Variants in CNTNAP2 observed in about 807,000 individuals in gnomAD.
CNTNAP2 encodes contactin-associated protein-like 2.
CNTNAP2 carries 98 observed loss-of-function variants against 155.2 expected under a neutral mutation model. The ratio of observed to expected loss-of-function variants is 0.63; its 90% CI spans 0.54 to 0.75. The LOEUF is 0.75. Ranked by LOEUF, CNTNAP2 falls within the 30% of genes least tolerant of loss-of-function variation. The pLI is 0.00. For synonymous variants in CNTNAP2, 651 were observed against 631.2 expected (o/e 1.03, Z -0.47); for missense variants, 1,727 against 1,688.1 (o/e 1.02, Z -0.40).
chr7:148,107,498 A>G (rs17482206), intron 15 of CNTNAP2, among the ~76,000 whole-genome samples: 6,057 of 152,358 alleles, frequency 0.04, 163 homozygotes, highest in Non-Finnish European at 0.062. Flanking sequence ...ACCCATGGAC[A>G]GCATTTTATT....
intron 14 of CNTNAP2, among the ~76,000 whole-genome samples, chr7:147,925,228 T>C (rs1262970252): frequency 6.9e-6 from 1 of 144,440 alleles, no homozygotes; most frequent in African/African-American, 2.6e-5. Context: ...CAGTTTTAGG[T>C]TCACAGCAAA....
At chr7:146,631,540 T>C (rs1799511260) in intron 1 of CNTNAP2, among the ~76,000 whole-genome samples, 1 of 152,156 alleles carries the variant, frequency 6.6e-6, no homozygotes, top group Non-Finnish European at 1.5e-5. Context: ...TGAATACCAG[T>C]AAGACAAATG....
chr7:147,883,758 C>CT (rs200440375), intron 13 of CNTNAP2, among the ~76,000 whole-genome samples: 4,995 of 152,030 alleles, frequency 0.033, 132 homozygotes, highest in Non-Finnish European at 0.053. Flanking sequence ...TCTCTTTTTT[C>CT]TTTTTTTAAA....
chr7:148,144,220 T>C (rs1199616245), intron 16 of CNTNAP2, among the ~76,000 whole-genome samples: 1 of 152,216 alleles, frequency 6.6e-6, no homozygotes, highest in Non-Finnish European at 1.5e-5. Context: ...ATACAGATAG[T>C]GTCTTCCTCT....
At chr7:146,700,002 T>C (rs1800848245) in intron 1 of CNTNAP2, among the ~76,000 whole-genome samples, 1 of 151,942 alleles carries the variant, frequency 6.6e-6, no homozygotes, top group South Asian at 2.1e-4. Context: ...ATTCAGGGGG[T>C]ATTTCACAAT....
At chr7:146,563,847 G>GT (rs545391511) in intron 1 of CNTNAP2, among the ~76,000 whole-genome samples, 210 of 152,260 alleles carry the variant, frequency 1.4e-3, no homozygotes, top group Non-Finnish European at 2.5e-3. Flanking sequence ...AGGAAAGATA[G>GT]TAACAGTCAA....
At chr7:147,029,700 A>G (rs933760530) in intron 3 of CNTNAP2, among the ~76,000 whole-genome samples, 1 of 152,186 alleles carries the variant, frequency 6.6e-6, no homozygotes, top group African/African-American at 2.4e-5. Context: ...TAAAAATGGA[A>G]GCATATGAAA....
rs543292015 is a variant in CNTNAP2 at position 146,900,199 on chromosome 7, C to G, written c.402+60295C>G. Among the ~76,000 whole-genome samples, 14 of 152,244 alleles carry G rather than the reference C, an allele frequency of 9.2e-5. No homozygotes were observed. In the South Asian group the frequency reaches 2.9e-3, roughly 32 times the overall value. ...ATACTGTCAGGAGCTTCCTGGCCATCGGGATATTTTTTAGTGTTGTCCTGT... is the reference window on the plus strand; with the variant it reads ...ATACTGTCAGGAGCTTCCTGGCCATGGGGATATTTTTTAGTGTTGTCCTGT... On this transcript the variant is annotated intron_variant, in intron 3 of 23. Coordinates refer to ENST00000361727, the MANE Select transcript of CNTNAP2 (RefSeq NM_014141.6).
At chr7:148,036,235 T>G (rs1484655272) in intron 15 of CNTNAP2, among the ~76,000 whole-genome samples, 1 of 152,172 alleles carries the variant, frequency 6.6e-6, no homozygotes, top group Non-Finnish European at 1.5e-5. Context: ...ATAGATTGAA[T>G]ATATTTTGCA....
At chr7:147,457,805 A>G (rs1275983897) in intron 10 of CNTNAP2, among the ~76,000 whole-genome samples, 1 of 151,826 alleles carries the variant, frequency 6.6e-6, no homozygotes, top group East Asian at 1.9e-4. Context: ...AATACTAAGC[A>G]ATATCTATGC....
chr7:147,387,096 C>T (rs928932718), intron 9 of CNTNAP2, among the ~76,000 whole-genome samples: 2 of 152,122 alleles, frequency 1.3e-5, no homozygotes, highest in African/African-American at 2.4e-5. Context: ...GACCCACCCC[C>T]ATGACTCAAT....
Position 146,774,298 on chromosome 7 carries a change from G to A in CNTNAP2, c.125G>A (p.Gly42Glu), listed in dbSNP as rs771874359. ...SQKCDEPLVSGLPHVAFSSSS... is the reference protein window; with the variant it reads ...SQKCDEPLVSELPHVAFSSSS... ...AAATGTGATGAGCCACTTGTCTCTG[G>A]ACTCCCCCATGTGGCTTTCAGCAGC... The change falls in exon 2 of 24, where the codon GGA (glycine) becomes GAA (glutamate). Residue 42 changes from glycine to glutamate, a missense_variant. By Grantham distance (98) the Gly-to-Glu change is moderately conservative (BLOSUM62 -2). Transcript: ENST00000361727. 1 of 1,613,784 alleles carries A rather than the reference G, an allele frequency of 6.2e-7. No homozygotes were observed. Among genetic ancestry groups the A allele is most frequent in the Non-Finnish European group, 8.5e-7 (1 of 1,179,920 alleles).
chr7:148,224,252 C>A (rs760095355), intron 19 of CNTNAP2, among the ~76,000 whole-genome samples: 9 of 151,848 alleles, frequency 5.9e-5, no homozygotes, highest in Non-Finnish European at 1.2e-4. Context: ...GTTTTTTCTG[C>A]GTGTTGCCAA....
At chr7:147,567,101 C>T (rs530001161) in intron 12 of CNTNAP2, among the ~76,000 whole-genome samples, 6 of 152,154 alleles carry the variant, frequency 3.9e-5, no homozygotes, top group Admixed American at 2.0e-4. Context: ...AATAATGAAC[C>T]TTCTAAGGAT....
chr7:148,224,524 C>T (rs764740908), intron 19 of CNTNAP2, among the ~76,000 whole-genome samples: 13 of 152,160 alleles, frequency 8.5e-5, no homozygotes, highest in African/African-American at 3.1e-4. Context: ...TCAGACAGGG[C>T]ATTGCAACCG....
At chr7:147,583,463 C>T (rs28654757) in intron 12 of CNTNAP2, among the ~76,000 whole-genome samples, 100,806 of 145,822 alleles carry the variant, frequency 0.69, 35,386 homozygotes, top group African/African-American at 0.81. Flanking sequence ...GAACAAATAC[C>T]ATTCTGCTCA....
At chr7:147,302,174 C>T (rs1001021758) in intron 9 of CNTNAP2, among the ~76,000 whole-genome samples, 4 of 152,154 alleles carry the variant, frequency 2.6e-5, no homozygotes, top group African/African-American at 4.8e-5. Flanking sequence ...TGGCTTATGG[C>T]CAACAGTTTT....
At chr7:147,949,691 C>G (rs2710087) in intron 14 of CNTNAP2, among the ~76,000 whole-genome samples, 38,148 of 151,900 alleles carry the variant, frequency 0.25, 5,175 homozygotes, top group Middle Eastern at 0.33. Context: ...AGAGAGGTTT[C>G]GTACCACTCT....
At chr7:148,324,292 C>A (rs1296143940) in intron 21 of CNTNAP2, among the ~76,000 whole-genome samples, 1 of 152,104 alleles carries the variant, frequency 6.6e-6, no homozygotes, top group African/African-American at 2.4e-5. Flanking sequence ...GGCCTGGGCA[C>A]CCCCTGGAAA....
Sources: allele counts gnomAD v4.1 joint callset (sites outside exome capture counted in the v4.1 genomes callset), GRCh38; gene constraint gnomAD v4.1.1; transcripts MANE v1.5; gene names NCBI Gene and HGNC (gene_info 2026-07-23, HGNC 2026-07-21).